ZNF599: variants seen among roughly 807,000 people sequenced by gnomAD.
ZNF599 encodes zinc finger protein 599.
Under a neutral mutation model 11.7 loss-of-function variants are expected in ZNF599, and 10 were observed. That is an observed-to-expected ratio of 0.86 (90% confidence interval 0.53 to 1.45). ZNF599 has a LOEUF of 1.45. Ranked by LOEUF, ZNF599 falls within the 40% of genes most tolerant of loss-of-function variation. The pLI, the probability that ZNF599 is intolerant of heterozygous loss-of-function variation, is 0.00. For synonymous variants in ZNF599, 232 were observed against 253.2 expected (o/e 0.92, Z 0.79); for missense variants, 688 against 713.6 (o/e 0.96, Z 0.41).
At chr19:34,780,723 A>C in the ZNF599 span, among the ~76,000 whole-genome samples, 1 of 150,950 alleles carries the variant, frequency 6.6e-6, no homozygotes, top group Admixed American at 6.6e-5. Context: ...AAAGAAGGAA[A>C]GAAAGAGAAA....
intron 1 of ZNF599, chr19:34,772,482 C>A: frequency 8.4e-7 from 1 of 1,185,726 alleles, no homozygotes. Flanking sequence ...CAGTGAAAGA[C>A]AGGACCCACG....
the ZNF599 span, among the ~76,000 whole-genome samples, chr19:34,801,582 CT>C: frequency 6.6e-6 from 1 of 152,216 alleles, no homozygotes; most frequent in Non-Finnish European, 1.5e-5. Context: ...TCATAAAGCC[CT>C]TCTCCACTGT....
At chr19:34,803,301 G>C in the ZNF599 span, among the ~76,000 whole-genome samples, 1 of 152,178 alleles carries the variant, frequency 6.6e-6, no homozygotes, top group Admixed American at 6.5e-5. Flanking sequence ...TCTGTCCTTG[G>C]GGAAAAGGAA....
chr19:34,789,930 C>G, the ZNF599 span, among the ~76,000 whole-genome samples: 5 of 152,272 alleles, frequency 3.3e-5, no homozygotes, highest in African/African-American at 1.2e-4. Flanking sequence ...TGGCTCAGAT[C>G]AAAGTCATGG....
chr19:34,783,483 C>T, the ZNF599 span, among the ~76,000 whole-genome samples: 1 of 152,130 alleles, frequency 6.6e-6, no homozygotes, highest in Non-Finnish European at 1.5e-5. Context: ...GGGACAGTGT[C>T]CTGGGCTGCA....
intron 2 of ZNF599, among the ~76,000 whole-genome samples, chr19:34,767,928 T>G (rs1378257180): frequency 6.6e-6 from 1 of 152,134 alleles, no homozygotes; most frequent in African/African-American, 2.4e-5. Context: ...GGGCTTCTCA[T>G]TAGGTAAAGT....
chr19:34,769,677 C>A, intron 1 of ZNF599, 122 bp from the exon 2 acceptor site: 1 of 1,251,250 alleles, frequency 8.0e-7, no homozygotes, highest in Admixed American at 2.3e-5. Context: ...CTGAGAACCA[C>A]TGGGCTCTGT....
the ZNF599 span, among the ~76,000 whole-genome samples, chr19:34,787,843 A>T: frequency 6.6e-6 from 1 of 152,196 alleles, no homozygotes; most frequent in African/African-American, 2.4e-5. Flanking sequence ...ATTCCTAAGC[A>T]CCTACTCAGT....
At chr19:34,769,793 CTG>C (rs1230241529) in intron 1 of ZNF599, among the ~76,000 whole-genome samples, 10 of 152,198 alleles carry the variant, frequency 6.6e-5, no homozygotes, top group African/African-American at 2.4e-4. Context: ...TCCCATCTGA[CTG>C]TGAGGAGCAG....
chr19:34,769,584 G>A (rs1459107232), intron 1 of ZNF599, 29 bp from the exon 2 acceptor site: 1 of 1,605,018 alleles, frequency 6.2e-7, no homozygotes. Context: ...GTGACAGGTG[G>A]CTGTGGAGCT....
rs752433886 is a variant in ZNF599, at chr19:34,760,139, T to A, written c.662A>T (p.His221Leu). The A allele has an allele frequency of 3.7e-6, 6 of 1,614,198 alleles. No homozygotes were observed. The highest frequency in any genetic ancestry group is 5.1e-6 in the Non-Finnish European group (6 of 1,180,036). ...KWALVRHQQI[H>L]AGVKPYECNE... ...GCACTCATAGGGCTTCACTCCAGCA[T>A]GAATCTGTTGATGCCGAACAAGGGC... Residue 221 changes from histidine to leucine, a missense_variant, in exon 4 of 4, where the codon CAT becomes CTT. Coordinates refer to ENST00000329285, the MANE Select transcript of ZNF599 (RefSeq NM_001007248.3).
chr19:34,770,618 C>G (rs942685250), intron 1 of ZNF599, among the ~76,000 whole-genome samples: 1 of 152,198 alleles, frequency 6.6e-6, no homozygotes, highest in Admixed American at 6.5e-5. Context: ...TCCTGAGCCA[C>G]GGTTAGCACA....
Position 34,769,412 on chromosome 19 carries a change from G to A in ZNF599, c.145+17C>T. 8.7e-6 allele frequency: 14 copies of A among 1,614,040 alleles called. No homozygotes were observed. Among genetic ancestry groups the A allele is most frequent in the Non-Finnish European group, 1.2e-5 (14 of 1,179,968 alleles). On this transcript the variant is annotated intron_variant, in intron 2 of 3. Transcript: ENST00000329285. ...GAGGCTGTGGGTCCCCTACATGGGA[G>A]GGTAATGAGGTCTTACCCAGTGAGA...
the ZNF599 span, among the ~76,000 whole-genome samples, chr19:34,799,849 G>A: frequency 6.6e-6 from 1 of 152,200 alleles, no homozygotes; most frequent in Non-Finnish European, 1.5e-5. Flanking sequence ...CTACTGAACT[G>A]GGGGAGACAC....
the ZNF599 span, among the ~76,000 whole-genome samples, chr19:34,794,642 C>T: frequency 6.6e-6 from 1 of 151,494 alleles, no homozygotes; most frequent in Non-Finnish European, 1.5e-5. Context: ...GCAATCTTGG[C>T]TCACTGCAAC....
At chr19:34,795,506 C>G in the ZNF599 span, among the ~76,000 whole-genome samples, 39 of 152,310 alleles carry the variant, frequency 2.6e-4, no homozygotes, top group Non-Finnish European at 8.8e-5. Flanking sequence ...TCTCAAACTC[C>G]TAGGCTCAGG....
the ZNF599 span, among the ~76,000 whole-genome samples, chr19:34,805,386 C>T: frequency 1.1e-4 from 16 of 152,052 alleles, no homozygotes; most frequent in African/African-American, 3.4e-4. Context: ...TTAGTAGAGA[C>T]GAAGTTTCAC....
chr19:34,778,119 T>G (rs545603927), upstream of ZNF599, among the ~76,000 whole-genome samples: 33 of 152,146 alleles, frequency 2.2e-4, no homozygotes, highest in South Asian at 3.1e-3. Flanking sequence ...TATGTGCAGG[T>G]TTTTTTATAT....
At chr19:34,760,748 C>G (rs2069108045) in intron 3 of ZNF599, among the ~76,000 whole-genome samples, 189 bp from the exon 4 acceptor site, 1 of 152,084 alleles carries the variant, frequency 6.6e-6, no homozygotes, top group African/African-American at 2.4e-5. Context: ...TAAAAGGAAA[C>G]CCAGAAGGAA....
Sources: gnomAD v4.1 joint callset for allele counts (sites outside exome capture counted in the v4.1 genomes callset) on GRCh38, gnomAD v4.1.1 for gene constraint, MANE v1.5 for transcripts, NCBI Gene and HGNC (gene_info 2026-07-23, HGNC 2026-07-21) for gene names.